Variants in COLQ observed in about 807,000 individuals in gnomAD.
COLQ encodes the protein collagen like tail subunit of asymmetric acetylcholinesterase, also known as acetylcholinesterase collagenic tail peptide.
A neutral mutation model predicts 69.0 loss-of-function variants in COLQ; 48 were observed. That is an observed-to-expected ratio of 0.70 (90% CI 0.55 to 0.88). The LOEUF (loss-of-function observed/expected upper bound fraction) is 0.88, where lower values mean the gene tolerates loss of function less well. Ranked by LOEUF, COLQ falls within the 40% of genes least tolerant of loss-of-function variation. The pLI is 0.00. For missense variants in COLQ, 618 were observed against 594.6 expected, an observed-to-expected ratio of 1.04 and a Z score of -0.41; for synonymous variants, 217 against 211.2, an observed-to-expected ratio of 1.03 and a Z score of -0.24.
chr3:15,466,569 C>G (rs1222809694), intron 11 of COLQ, 132 bp from the exon 12 acceptor site: 6 of 715,816 alleles, frequency 8.4e-6, no homozygotes, highest in Non-Finnish European at 1.2e-5. Context: ...CTCCAGAGGT[C>G]TTGACCATCG....
chr3:15,474,826 A>G, intron 8 of COLQ, 99 bp downstream of exon 8: 1 of 1,367,682 alleles, frequency 7.3e-7, no homozygotes, highest in South Asian at 1.2e-5. Flanking sequence ...CTTCAGTTGC[A>G]GACTAAAGAG....
chr3:15,477,798 C>T (rs895237426), intron 5 of COLQ, among the ~76,000 whole-genome samples: 2 of 152,166 alleles, frequency 1.3e-5, no homozygotes, highest in Non-Finnish European at 2.9e-5. Flanking sequence ...TGCTAAAGCT[C>T]GACTTCACCT....
intron 1 of COLQ, among the ~76,000 whole-genome samples, chr3:15,513,920 T>C (rs1330231949): frequency 6.6e-6 from 1 of 152,206 alleles, no homozygotes; most frequent in African/African-American, 2.4e-5. Flanking sequence ...GGGATCATCC[T>C]GGATTACTTG....
At chr3:15,476,810 C>T (rs2062386997) in intron 6 of COLQ, among the ~76,000 whole-genome samples, 1 of 152,214 alleles carries the variant, frequency 6.6e-6, no homozygotes, top group East Asian at 1.9e-4. Context: ...CAGACGCAAG[C>T]CCCTCTTAGG....
chr3:15,480,720 T>C (rs991907136), intron 3 of COLQ, among the ~76,000 whole-genome samples: 8 of 152,200 alleles, frequency 5.3e-5, no homozygotes, highest in African/African-American at 9.7e-5. Context: ...CTGGGTCAAA[T>C]GGTGTTTCTA....
chr3:15,508,019 C>T lies in COLQ; in HGVS notation c.106+13501G>A, dbSNP rs541492408. Among the ~76,000 whole-genome samples, 20 of 152,092 alleles carry T rather than the reference C, an allele frequency of 1.3e-4. No individual in the cohort carries two copies. In the East Asian group the frequency reaches 1.7e-3, roughly 13 times the overall value. ...ATTGGTGGTTCAGTGGTAGAATTCT[C>T]GCCTCCCACATTATTTTTTTATGTA... is the stretch of plus-strand genomic sequence containing the variant. On this transcript the variant is annotated intron_variant, in intron 1 of 16. Transcript: ENST00000383788.
intron 1 of COLQ, among the ~76,000 whole-genome samples, chr3:15,519,052 A>C (rs1259812226): frequency 6.6e-6 from 1 of 152,144 alleles, no homozygotes; most frequent in Non-Finnish European, 1.5e-5. Flanking sequence ...TTTAAAGCTT[A>C]AGTTTATTTC....
At chr3:15,470,097 G>A (rs1476343419) in intron 11 of COLQ, among the ~76,000 whole-genome samples, 2 of 152,156 alleles carry the variant, frequency 1.3e-5, no homozygotes, top group South Asian at 4.1e-4. Context: ...GGAGGCCTGA[G>A]TAGGGAAAAA....
intron 12 of COLQ, among the ~76,000 whole-genome samples, chr3:15,464,335 A>G (rs2062165751): frequency 6.6e-6 from 1 of 152,248 alleles, no homozygotes; most frequent in Non-Finnish European, 1.5e-5. Flanking sequence ...GCCACCAGGT[A>G]TCTGTGGACC....
chr3:15,480,136 G>A (rs569369210), intron 3 of COLQ, among the ~76,000 whole-genome samples: 2 of 152,266 alleles, frequency 1.3e-5, no homozygotes, highest in East Asian at 1.9e-4. Flanking sequence ...GCAACCCCAG[G>A]ATCTGCAGGT....
At chr3:15,487,335 C>T (rs554214168) in intron 3 of COLQ, among the ~76,000 whole-genome samples, 2 of 152,294 alleles carry the variant, frequency 1.3e-5, no homozygotes, top group African/African-American at 4.8e-5. Context: ...CTAAAGCAAG[C>T]TTGGAGTGTT....
intron 1 of COLQ, among the ~76,000 whole-genome samples, chr3:15,508,200 T>C (rs2125173844): frequency 6.6e-6 from 1 of 152,354 alleles, no homozygotes; most frequent in Non-Finnish European, 1.5e-5. Context: ...TCTGGTGTTT[T>C]CCTGTGGCCT....
intron 1 of COLQ, among the ~76,000 whole-genome samples, chr3:15,516,813 T>C (rs1257216161): frequency 6.6e-6 from 1 of 152,210 alleles, no homozygotes; most frequent in East Asian, 1.9e-4. Flanking sequence ...GCTAGAGCTT[T>C]GGGCATTGAT....
At chr3:15,454,651 GTT>G (rs56053367) in intron 15 of COLQ, among the ~76,000 whole-genome samples, 5 of 118,144 alleles carry the variant, frequency 4.2e-5, no homozygotes, top group African/African-American at 3.5e-5. Context: ...CCCCTGAACT[GTT>G]TTTTTTTTTT....
chr3:15,514,453 C>A (rs1038085219), intron 1 of COLQ, among the ~76,000 whole-genome samples: 1 of 152,198 alleles, frequency 6.6e-6, no homozygotes, highest in African/African-American at 2.4e-5. Flanking sequence ...CCTGCCCAGA[C>A]ATTAGAATCA....
chr3:15,482,379 G>A (rs944037250), intron 3 of COLQ, among the ~76,000 whole-genome samples: 5 of 152,108 alleles, frequency 3.3e-5, no homozygotes, highest in East Asian at 3.9e-4. Context: ...TTTGAGATAC[G>A]TCCCATCAAT....
intron 1 of COLQ, among the ~76,000 whole-genome samples, chr3:15,508,162 T>A (rs1575495206): frequency 6.6e-6 from 1 of 152,370 alleles, no homozygotes; most frequent in South Asian, 2.1e-4. Flanking sequence ...ATATTTTATA[T>A]TTAAATCTTC....
chr3:15,456,047 T>C (rs772370338), intron 14 of COLQ, 28 bp from the exon 15 acceptor site: 3 of 1,613,488 alleles, frequency 1.9e-6, no homozygotes, highest in Admixed American at 1.7e-5. Context: ...CAGCATTAAC[T>C]GGAGCATGGC....
chr3:15,469,928 A>G (rs2062254502), intron 11 of COLQ, among the ~76,000 whole-genome samples: 1 of 152,170 alleles, frequency 6.6e-6, no homozygotes, highest in South Asian at 2.1e-4. Context: ...AAAGATGTTT[A>G]CCTCTCAGGA....
Sources: allele counts gnomAD v4.1 joint callset (sites outside exome capture counted in the v4.1 genomes callset), GRCh38; gene constraint gnomAD v4.1.1; transcripts MANE v1.5; gene names NCBI Gene and HGNC (gene_info 2026-07-23, HGNC 2026-07-21).